IGDCC3: variants seen among roughly 807,000 people sequenced by gnomAD.
IGDCC3 encodes putative neuronal cell adhesion molecule.
A neutral mutation model predicts 72.0 loss-of-function variants in IGDCC3; 47 were observed. The observed-to-expected ratio is 0.65, with a 90% CI of 0.52 to 0.83. The LOEUF (loss-of-function observed/expected upper bound fraction) is 0.83, where lower values mean the gene tolerates loss of function less well. Ranked by LOEUF, IGDCC3 falls within the 40% of genes least tolerant of loss-of-function variation. The pLI, the probability that IGDCC3 is intolerant of heterozygous loss-of-function variation, is 0.00. For synonymous variants in IGDCC3, 477 were observed against 472.8 expected, an observed-to-expected ratio of 1.01 and a Z score of -0.11; for missense variants, 1,038 against 1,091.3, an observed-to-expected ratio of 0.95 and a Z score of 0.69.
chr15:65,374,993 G>A, intron 2 of IGDCC3, 104 bp downstream of exon 2: 1 of 1,002,270 alleles, frequency 1.0e-6, no homozygotes, highest in Non-Finnish European at 1.5e-6. Context: ...TAGTCCTCCA[G>A]AAGGCTGCAT....
chr15:65,351,928 C>A (rs2091177062), intron 2 of IGDCC3, among the ~76,000 whole-genome samples: 1 of 152,130 alleles, frequency 6.6e-6, no homozygotes, highest in Non-Finnish European at 1.5e-5. Context: ...CAATTGTTGT[C>A]TTGTTTTAAT....
intron 2 of IGDCC3, among the ~76,000 whole-genome samples, chr15:65,356,700 G>T (rs1231265345): frequency 6.6e-6 from 1 of 150,818 alleles, no homozygotes; most frequent in Non-Finnish European, 1.5e-5. Flanking sequence ...GAGGGTTGGG[G>T]GGGTGGGTGG....
intron 7 of IGDCC3, 89 bp downstream of exon 7, chr15:65,331,850 GGA>G: frequency 6.8e-7 from 1 of 1,461,288 alleles, no homozygotes; most frequent in Admixed American, 1.9e-5. Flanking sequence ...TTCCCTGGCA[GGA>G]GGTGTACAGC....
intron 2 of IGDCC3, among the ~76,000 whole-genome samples, chr15:65,361,268 A>T (rs1260534385): frequency 2.5e-5 from 3 of 117,864 alleles, no homozygotes; most frequent in East Asian, 2.5e-4. Flanking sequence ...TTTCTACTAA[A>T]AATAATAATA....
chr15:65,329,298 C>G lies in IGDCC3; in HGVS notation c.2205+92G>C. On this transcript the variant is annotated intron_variant, in intron 13 of 13. Coordinates refer to ENST00000327987, the MANE Select transcript of IGDCC3 (RefSeq NM_004884.4). The surrounding 1 kb of genome is among the most constrained non-coding windows in gnomAD (Gnocchi z 4.1). ...CTGCAGTTTGACTAAGGCCAATGAT[C>G]GAGGCCCGTGGCCAAGGTGAAGGGG... The G allele has an allele frequency of 6.8e-7, 1 of 1,474,528 alleles. No individual in the cohort carries two copies. Among genetic ancestry groups the G allele is most frequent in the Non-Finnish European group, 9.2e-7 (1 of 1,092,812 alleles). 91.3% of individuals were successfully genotyped at this position (1,474,528 alleles called of 1,614,324 possible).
intron 2 of IGDCC3, among the ~76,000 whole-genome samples, chr15:65,371,163 A>T (rs2091323927): frequency 6.6e-6 from 1 of 152,214 alleles, no homozygotes; most frequent in Non-Finnish European, 1.5e-5. Flanking sequence ...CCTCATCCTA[A>T]ATTAGTGGGC....
intron 4 of IGDCC3, among the ~76,000 whole-genome samples, 182 bp from the exon 5 acceptor site, chr15:65,335,047 G>T (rs1179227074): frequency 6.6e-6 from 1 of 152,182 alleles, no homozygotes; most frequent in Non-Finnish European, 1.5e-5. Flanking sequence ...TGCGGGCTCT[G>T]CAGGGCTGCC....
chr15:65,363,976 C>T (rs954873160), intron 2 of IGDCC3, among the ~76,000 whole-genome samples: 1 of 152,184 alleles, frequency 6.6e-6, no homozygotes, highest in African/African-American at 2.4e-5. Flanking sequence ...TACACAGAGC[C>T]TCCTGTAACT....
intron 5 of IGDCC3, 25 bp from the exon 6 acceptor site, chr15:65,333,440 G>A: frequency 6.3e-7 from 1 of 1,577,148 alleles, no homozygotes; most frequent in African/African-American, 1.4e-5. Context: ...GAGGGGGGAT[G>A]GGTGAGGGTC....
At chr15:65,361,600 T>C (rs996962534) in intron 2 of IGDCC3, among the ~76,000 whole-genome samples, 2 of 117,844 alleles carry the variant, frequency 1.7e-5, no homozygotes, top group African/African-American at 7.0e-5. Context: ...CAGATGAAAA[T>C]ATCCCCTCCC....
At chr15:65,344,013 A>G (rs2091104660) in intron 2 of IGDCC3, among the ~76,000 whole-genome samples, 2 of 152,256 alleles carry the variant, frequency 1.3e-5, no homozygotes, top group South Asian at 4.2e-4. Context: ...TCTGCTAGGG[A>G]AGAAACCCCA....
intron 2 of IGDCC3, among the ~76,000 whole-genome samples, chr15:65,366,352 G>A (rs1478216333): frequency 6.6e-6 from 1 of 152,090 alleles, no homozygotes; most frequent in African/African-American, 2.4e-5. Flanking sequence ...CTGGGCAGCA[G>A]AGTGAGATCC....
intron 6 of IGDCC3, among the ~76,000 whole-genome samples, chr15:65,332,801 G>A (rs1237532346): frequency 3.3e-5 from 5 of 152,206 alleles, no homozygotes; most frequent in South Asian, 4.1e-4. Context: ...CCCGCCCCAC[G>A]GGAGGGGAGG....
chr15:65,365,650 C>A (rs1289414979), intron 2 of IGDCC3, among the ~76,000 whole-genome samples: 3 of 144,456 alleles, frequency 2.1e-5, no homozygotes, highest in Non-Finnish European at 3.0e-5. Context: ...CCTCTTTGAA[C>A]CTTATCTTCC....
chr15:65,331,311 C>T (rs906315710), intron 8 of IGDCC3, 97 bp from the exon 9 acceptor site: 12 of 1,564,792 alleles, frequency 7.7e-6, no homozygotes, highest in South Asian at 6.0e-5. Flanking sequence ...GGGGGGACAG[C>T]GGGGAGAAGG....
intron 2 of IGDCC3, among the ~76,000 whole-genome samples, chr15:65,358,148 C>A (rs1595761796): frequency 6.6e-6 from 1 of 150,938 alleles, no homozygotes; most frequent in Non-Finnish European, 1.5e-5. Flanking sequence ...CTTTGTCACC[C>A]AGGCTGGAGT....
intron 2 of IGDCC3, among the ~76,000 whole-genome samples, chr15:65,348,038 C>T (rs1269281813): frequency 2.0e-5 from 3 of 152,148 alleles, no homozygotes; most frequent in Non-Finnish European, 4.4e-5. Flanking sequence ...AAAATGGACA[C>T]GAGAGTGACC....
At position 65,333,393 on chromosome 15, in the gene IGDCC3, C is replaced by T. The variant is rs748990951; in HGVS notation, c.846G>A (p.Glu282=). 13 of 1,607,528 alleles carry T rather than the reference C, an allele frequency of 8.1e-6. No individual in the cohort carries two copies. The highest frequency in any genetic ancestry group is 1.0e-5 in the Non-Finnish European group (12 of 1,176,942). ...TTCCTGTGCCCAGCACCTGGATGCC[C>T]TCCACCCCGATAGGGCGACCATCTG... The part of the protein sequence containing the change: ...SRLDGRPIGV[E]GIQVLGTGNL... Residue 282 remains glutamate, a synonymous_variant, in exon 6 of 14, where the codon GAG becomes GAA. Transcript: ENST00000327987.
At position 65,334,450 on chromosome 15, in the gene IGDCC3, G is replaced by A. The variant is rs1360596793; in HGVS notation, c.823+278C>T. 2.1e-5 allele frequency: 9 copies of A among 421,492 alleles called. No individual in the cohort carries two copies. The East Asian group carries it at 2.4e-4, about 11-fold the overall frequency. The allele number at this position is 421,492 out of a possible 1,614,324, so 26.1% of individuals were successfully genotyped here. A position where few individuals can be genotyped will look rare whatever the true frequency, so the allele number is the denominator to read the frequency against. ...GCTGCTGAAGGGTGCTGGGGTCCCC[G>A]AGGCCAGGGTGAGGGGAGGACTGCA... On this transcript the variant is annotated intron_variant, in intron 5 of 13. Transcript: ENST00000327987.
Sources: gnomAD v4.1 joint callset for allele counts (sites outside exome capture counted in the v4.1 genomes callset) on GRCh38, gnomAD v4.1.1 for gene constraint, Gnocchi (gnomAD v3.1) non-coding constraint, MANE v1.5 for transcripts, NCBI Gene and HGNC (gene_info 2026-07-23, HGNC 2026-07-21) for gene names.